ULK2: variants seen among roughly 807,000 people sequenced by gnomAD.
ULK2 encodes unc-51 like autophagy activating kinase 2, also known as serine/threonine-protein kinase ULK2.
A neutral mutation model predicts 127.5 loss-of-function variants in ULK2; 76 were observed. That is an observed-to-expected ratio of 0.60 (90% CI 0.50 to 0.72). The LOEUF (loss-of-function observed/expected upper bound fraction) is 0.72. Ranked by LOEUF, ULK2 falls within the 30% of genes least tolerant of loss-of-function variation. The pLI is 0.00. For synonymous variants in ULK2, 452 were observed against 461.9 expected, an observed-to-expected ratio of 0.98 and a Z score of 0.28; for missense variants, 1,144 against 1,295.9, an observed-to-expected ratio of 0.88 and a Z score of 1.80.
chr17:19,795,347 TAAAAAAAAA>T (rs755484577), intron 20 of ULK2, among the ~76,000 whole-genome samples: 1,013 of 82,760 alleles, frequency 0.012, 20 homozygotes, highest in African/African-American at 0.048. Context: ...ACCCTACTGA[TAAAAAAAAA>T]AAAAAAAAAA....
At chr17:19,789,575 T>C (rs1203987488) in intron 20 of ULK2, among the ~76,000 whole-genome samples, 2 of 152,094 alleles carry the variant, frequency 1.3e-5, no homozygotes, top group Non-Finnish European at 2.9e-5. Context: ...GGACCAATCA[T>C]GGAGAAACAG....
At chr17:19,805,564 A>G (rs2087497869) in intron 14 of ULK2, among the ~76,000 whole-genome samples, 1 of 152,226 alleles carries the variant, frequency 6.6e-6, no homozygotes, top group Non-Finnish European at 1.5e-5. Context: ...TTCAGCCTTT[A>G]TGTCTTACTA....
intron 13 of ULK2, among the ~76,000 whole-genome samples, chr17:19,814,905 T>C (rs547152857): frequency 1.3e-5 from 2 of 152,020 alleles, no homozygotes; most frequent in African/African-American, 2.4e-5. Flanking sequence ...AGTAGGGAAA[T>C]GGATAAACTG....
chr17:19,813,884 T>C (rs1183535723), intron 13 of ULK2, among the ~76,000 whole-genome samples: 1 of 152,200 alleles, frequency 6.6e-6, no homozygotes, highest in African/African-American at 2.4e-5. Flanking sequence ...TAGGTCATAC[T>C]ATACAGTCAA....
intron 21 of ULK2, among the ~76,000 whole-genome samples, chr17:19,784,513 C>CTTTTT (rs563736244): frequency 4.4e-5 from 2 of 45,098 alleles, no homozygotes; most frequent in Non-Finnish European, 3.7e-5. Flanking sequence ...GGACATGATA[C>CTTTTT]TTTTTTTTTT....
At chr17:19,779,475 T>G (rs939467390) in intron 25 of ULK2, among the ~76,000 whole-genome samples, 2 of 131,478 alleles carry the variant, frequency 1.5e-5, no homozygotes, top group Non-Finnish European at 3.0e-5. Context: ...GAGGTTGCAG[T>G]GAGCCAAGAT....
chr17:19,804,534 A>C lies in ULK2; in HGVS notation c.1295+159T>G, dbSNP rs190093652. 2.0e-5 allele frequency among the ~76,000 whole-genome samples: 3 copies of C among 152,280 alleles called. No homozygotes were observed. In the East Asian group the frequency reaches 5.8e-4, roughly 29 times the overall value. ...CAAGCTAAGCTTAAATAGCATTTAA[A>C]TTCATCAATTATAAAACTTTATTAT... On this transcript the variant is annotated intron_variant, in intron 15 of 26. Transcript: ENST00000395544.
chr17:19,796,351 C>G, intron 18 of ULK2, 69 bp from the exon 19 acceptor site: 3 of 1,375,564 alleles, frequency 2.2e-6, no homozygotes, highest in Non-Finnish European at 2.9e-6. Flanking sequence ...TCAGTACTGG[C>G]AGGTTTGTGT....
chr17:19,791,829 G>GCAA (rs886403837), intron 20 of ULK2, among the ~76,000 whole-genome samples: 8 of 118,494 alleles, frequency 6.8e-5, no homozygotes, highest in Admixed American at 5.9e-4. Flanking sequence ...CTGCACTCCA[G>GCAA]CAACACCCTG....
chr17:19,840,473 C>A, intron 9 of ULK2: 1 of 462,734 alleles, frequency 2.2e-6, no homozygotes, highest in Non-Finnish European at 4.2e-6. Context: ...AAAAACTTAT[C>A]CGGGAAGGAA....
At chr17:19,824,949 A>C (rs1354830025) in intron 12 of ULK2, 145 bp downstream of exon 12, 1 of 787,822 alleles carries the variant, frequency 1.3e-6, no homozygotes, top group South Asian at 1.8e-5. Context: ...ATTTGACCCA[A>C]CTATCATGTT....
At chr17:19,789,145 T>C (rs937635596) in intron 20 of ULK2, among the ~76,000 whole-genome samples, 2 of 152,216 alleles carry the variant, frequency 1.3e-5, no homozygotes, top group African/African-American at 4.8e-5. Context: ...CCCAGGGCTG[T>C]GCTGGCTTCA....
intron 11 of ULK2, among the ~76,000 whole-genome samples, chr17:19,825,587 G>A (rs927309910): frequency 2.0e-5 from 3 of 151,622 alleles, no homozygotes; most frequent in African/African-American, 7.3e-5. Context: ...GTGCCCGCCT[G>A]TAATCCCAGC....
At chr17:19,821,739 G>A (rs1267727997) in intron 12 of ULK2, among the ~76,000 whole-genome samples, 1 of 152,058 alleles carries the variant, frequency 6.6e-6, no homozygotes, top group Non-Finnish European at 1.5e-5. Context: ...CTAAAATGAT[G>A]TTTATTGGTT....
intron 12 of ULK2, among the ~76,000 whole-genome samples, chr17:19,820,048 TA>T (rs1395626323): frequency 6.2e-4 from 38 of 61,010 alleles, no homozygotes; most frequent in East Asian, 3.8e-3. Flanking sequence ...ACTGCAACTT[TA>T]TTTATTTTTT....
At chr17:19,824,423 G>T (rs1263709352) in intron 12 of ULK2, among the ~76,000 whole-genome samples, 7 of 144,452 alleles carry the variant, frequency 4.8e-5, no homozygotes, top group Non-Finnish European at 9.0e-5. Context: ...CTCCAGCCTG[G>T]GCGACAGAGC....
intron 20 of ULK2, among the ~76,000 whole-genome samples, chr17:19,793,213 G>A (rs979818917): frequency 6.6e-6 from 1 of 152,106 alleles, no homozygotes; most frequent in Non-Finnish European, 1.5e-5. Flanking sequence ...ATCATATCTC[G>A]TGAGAACTCA....
intron 13 of ULK2, among the ~76,000 whole-genome samples, chr17:19,814,128 T>C (rs1254724012): frequency 1.3e-5 from 2 of 151,908 alleles, no homozygotes; most frequent in Non-Finnish European, 2.9e-5. Context: ...ACATGACAAA[T>C]GTGACACTGC....
chr17:19,825,186 G>A lies in ULK2; in HGVS notation c.836-4C>T. ...ATGGGCACTGGAACTGGGCAAGCTA[G>A]GGGAAGAAACACAAATGAACTACAT... On this transcript the variant is annotated splice_region_variant and splice_polypyrimidine_tract_variant and intron_variant, in intron 11 of 26. Transcript: ENST00000395544. 1 of 1,613,802 alleles carries A rather than the reference G, an allele frequency of 6.2e-7. No homozygotes were observed. The highest frequency in any genetic ancestry group is 8.5e-7 in the Non-Finnish European group (1 of 1,179,856).
Sources: allele counts gnomAD v4.1 joint callset (sites outside exome capture counted in the v4.1 genomes callset), GRCh38; gene constraint gnomAD v4.1.1; transcripts MANE v1.5; gene names NCBI Gene and HGNC (gene_info 2026-07-23, HGNC 2026-07-21).